CSMD1: variants seen among roughly 807,000 people sequenced by gnomAD.
CSMD1 encodes CUB and sushi domain-containing protein 1.
In CSMD1, 213 loss-of-function variants were observed where a neutral mutation model predicts 417.5. The observed-to-expected ratio is 0.51, with a 90% CI of 0.46 to 0.57. The LOEUF is 0.57. Among genes scored for constraint, CSMD1 ranks in the 20% least tolerant of loss-of-function variants. CSMD1 has a pLI of 0.00. For synonymous variants in CSMD1, 2,862 were observed against 1,736.8 expected (o/e 1.65, Z -16.11); for missense variants, 6,923 against 4,529.7 (o/e 1.53, Z -15.17).
chr8:4,675,964 G>A (rs1307022632), intron 1 of CSMD1, among the ~76,000 whole-genome samples: 1 of 152,144 alleles, frequency 6.6e-6, no homozygotes, highest in Non-Finnish European at 1.5e-5. Flanking sequence ...GGATGTGTCT[G>A]CCTTTTATAG....
intron 58 of CSMD1, among the ~76,000 whole-genome samples, 165 bp from the exon 59 acceptor site, chr8:2,966,119 T>TG (rs146964198): frequency 0.038 from 5,743 of 152,304 alleles, 135 homozygotes; most frequent in East Asian, 0.086. Flanking sequence ...ACTGACCCGC[T>TG]GTCAGAAGGA....
intron 52 of CSMD1, among the ~76,000 whole-genome samples, chr8:3,009,624 A>T (rs1029102451): frequency 6.6e-6 from 1 of 152,186 alleles, no homozygotes; most frequent in Non-Finnish European, 1.5e-5. Flanking sequence ...AAAGAAACAC[A>T]TTTGAATATT....
At chr8:3,305,157 T>C (rs769126853) in intron 25 of CSMD1, among the ~76,000 whole-genome samples, 11 of 152,194 alleles carry the variant, frequency 7.2e-5, no homozygotes, top group South Asian at 2.1e-4. Flanking sequence ...AGTGCTGGGA[T>C]GACAGGTGTG....
intron 15 of CSMD1, among the ~76,000 whole-genome samples, chr8:3,405,040 C>G (rs1268932468): frequency 6.6e-6 from 1 of 152,076 alleles, no homozygotes; most frequent in Non-Finnish European, 1.5e-5. Context: ...AAGAGTCCTA[C>G]TAAGAATTTA....
At chr8:4,087,496 C>T (rs1800480835) in intron 3 of CSMD1, among the ~76,000 whole-genome samples, 2 of 152,124 alleles carry the variant, frequency 1.3e-5, no homozygotes, top group African/African-American at 2.4e-5. Flanking sequence ...TGTAATGAAA[C>T]CTATTATTTT....
intron 23 of CSMD1, among the ~76,000 whole-genome samples, chr8:3,339,486 C>G (rs1317111089): frequency 2.0e-5 from 3 of 152,094 alleles, no homozygotes; most frequent in Non-Finnish European, 4.4e-5. Context: ...TCGGTGTACC[C>G]AAAATAGATT....
chr8:4,822,637 A>G (rs1255998865), intron 1 of CSMD1, among the ~76,000 whole-genome samples: 1 of 152,138 alleles, frequency 6.6e-6, no homozygotes, highest in Non-Finnish European at 1.5e-5. Context: ...AAAACAAAAA[A>G]AGATACTTGA....
At chr8:3,402,993 T>C (rs888146402) in intron 15 of CSMD1, among the ~76,000 whole-genome samples, 2 of 152,314 alleles carry the variant, frequency 1.3e-5, no homozygotes, top group South Asian at 2.1e-4. Context: ...CCAGATGGGA[T>C]AGTATAGGCA....
At chr8:3,890,352 G>C (rs539985531) in intron 5 of CSMD1, among the ~76,000 whole-genome samples, 1 of 152,074 alleles carries the variant, frequency 6.6e-6, no homozygotes. Flanking sequence ...ACTGGGCAGG[G>C]TTTACTACTT....
At chr8:3,541,701 T>A (rs897985242) in intron 10 of CSMD1, among the ~76,000 whole-genome samples, 1 of 149,302 alleles carries the variant, frequency 6.7e-6, no homozygotes, top group East Asian at 1.9e-4. Context: ...GTTCAGAAAA[T>A]TCATTTTTCT....
At chr8:3,360,348 C>CTTCTGATCTCCTTCTGATCTG (rs1178381580) in intron 20 of CSMD1, among the ~76,000 whole-genome samples, 2 of 152,234 alleles carry the variant, frequency 1.3e-5, no homozygotes, top group Non-Finnish European at 1.5e-5. Flanking sequence ...TCTTTACAGC[C>CTTCTGATCTCCTTCTGATCTG]AACTCCTTCT....
intron 3 of CSMD1, among the ~76,000 whole-genome samples, chr8:4,131,989 C>A (rs975329681): frequency 6.6e-6 from 1 of 151,924 alleles, no homozygotes; most frequent in Admixed American, 6.6e-5. Context: ...TGGTCTCGAT[C>A]TCCTGACCTC....
chr8:4,250,065 T>G (rs923339300), intron 3 of CSMD1, among the ~76,000 whole-genome samples: 1 of 152,082 alleles, frequency 6.6e-6, no homozygotes, highest in Non-Finnish European at 1.5e-5. Flanking sequence ...GCTCTCAGAG[T>G]GGGCTACCCC....
chr8:3,769,704 T>G (rs531176281), intron 5 of CSMD1, among the ~76,000 whole-genome samples: 133 of 152,306 alleles, frequency 8.7e-4, no homozygotes, highest in Non-Finnish European at 1.5e-3. Context: ...CTGTGAACTA[T>G]TCCATTGAGT....
intron 2 of CSMD1, among the ~76,000 whole-genome samples, chr8:4,428,633 A>C (rs902443734): frequency 2.6e-5 from 4 of 152,162 alleles, no homozygotes; most frequent in African/African-American, 9.7e-5. Context: ...GAAACACGGA[A>C]ACTACAGAAC....
At chr8:3,897,910 A>C (rs1335075701) in intron 5 of CSMD1, among the ~76,000 whole-genome samples, 1 of 152,164 alleles carries the variant, frequency 6.6e-6, no homozygotes, top group African/African-American at 2.4e-5. Flanking sequence ...GGCCATGTGG[A>C]TGATACAGTG....
rs139323989 is a variant in CSMD1, at chr8:3,186,333, G to C, written c.5620+1536C>G. ...GAAAGAGGGATTTCCTGGTGGAGAT[G>C]GGCCTTGAGTTCTAGCTTTTAAGGA... On this transcript the variant is annotated intron_variant, in intron 36 of 69. Coordinates refer to ENST00000635120, the MANE Select transcript of CSMD1 (RefSeq NM_033225.6). 2.0e-4 allele frequency among the ~76,000 whole-genome samples: 30 copies of C among 152,250 alleles called. 1 individual carries two copies. The highest frequency in any genetic ancestry group is 7.0e-4 in the African/African-American group (29 of 41,546).
chr8:4,967,137 G>C (rs1185268080), intron 1 of CSMD1, among the ~76,000 whole-genome samples: 1 of 152,112 alleles, frequency 6.6e-6, no homozygotes, highest in Non-Finnish European at 1.5e-5. Flanking sequence ...TTCATTCAAA[G>C]GAAGAGACTC....
chr8:4,087,979 T>G (rs990292559), intron 3 of CSMD1, among the ~76,000 whole-genome samples: 4 of 152,146 alleles, frequency 2.6e-5, no homozygotes, highest in Non-Finnish European at 5.9e-5. Flanking sequence ...AAAAGCTCAC[T>G]TGACCTCTGA....
Sources: allele counts gnomAD v4.1 joint callset (sites outside exome capture counted in the v4.1 genomes callset), GRCh38; gene constraint gnomAD v4.1.1; transcripts MANE v1.5; gene names NCBI Gene and HGNC (gene_info 2026-07-23, HGNC 2026-07-21).